The following HTRA3 variants were observed in gnomAD, a reference collection of about 807,000 sequenced individuals.
HTRA3 encodes the protein HtrA serine peptidase 3.
Under a neutral mutation model 43.2 loss-of-function variants are expected in HTRA3, and 41 were observed. The observed-to-expected ratio is 0.95, with a 90% CI of 0.74 to 1.23. The LOEUF is 1.23. Among genes scored for constraint, HTRA3 ranks in the 50% most tolerant of loss-of-function variants. The pLI is 0.00. For missense variants in HTRA3, 628 were observed against 647.1 expected, an observed-to-expected ratio of 0.97 and a Z score of 0.32; for synonymous variants, 295 against 287.9, an observed-to-expected ratio of 1.02 and a Z score of -0.25.
chr4:8,277,423 C>T (rs770363144), intron 1 of HTRA3, among the ~76,000 whole-genome samples: 64 of 152,044 alleles, frequency 4.2e-4, no homozygotes, highest in Non-Finnish European at 6.6e-4. Context: ...CCAGCCCAGA[C>T]GCAGGGGTGC....
At position 8,280,708 on chromosome 4, in the gene HTRA3, G is replaced by C. The variant is rs144894693; in HGVS notation, c.386-1729G>C. 1.6e-3 allele frequency among the ~76,000 whole-genome samples: 236 copies of C among 150,648 alleles called. 2 individuals carry two copies. Among genetic ancestry groups the C allele is most frequent in the Middle Eastern group, 6.8e-3 (2 of 292 alleles). On this transcript the variant is annotated intron_variant, in intron 1 of 8. Coordinates refer to ENST00000307358, the MANE Select transcript of HTRA3 (RefSeq NM_053044.5). ...CCTGAGACCCCGCTCTGCCGCAGTG[G>C]TTTGATCTATGAGGAGCCTCGCGGT...
At chr4:8,271,566 G>A (rs549248814) in intron 1 of HTRA3, among the ~76,000 whole-genome samples, 1 of 152,298 alleles carries the variant, frequency 6.6e-6, no homozygotes, top group Admixed American at 6.5e-5. Flanking sequence ...CTGGTACAAC[G>A]CCTGAGACTG....
intron 1 of HTRA3, among the ~76,000 whole-genome samples, chr4:8,280,982 G>A (rs1040794498): frequency 1.3e-5 from 2 of 152,206 alleles, no homozygotes; most frequent in East Asian, 1.9e-4. Context: ...GGAGGCCTGC[G>A]GCCTGCGTTC....
Position 8,294,079 on chromosome 4 carries a change from C to T in HTRA3, c.937-8C>T, listed in dbSNP as rs181992006. 2.5e-5 allele frequency: 40 copies of T among 1,598,528 alleles called. No individual in the cohort carries two copies. In the African/African-American group the frequency reaches 3.1e-4, roughly 12 times the overall value. On this transcript the variant is annotated splice_polypyrimidine_tract_variant and splice_region_variant and intron_variant, in intron 5 of 8. Coordinates refer to ENST00000307358, the MANE Select transcript of HTRA3 (RefSeq NM_053044.5). ...CCAACTGATGCCTGCTCTTACCTCC[C>T]TGCCCAGGATGGCGAGGTCATTGGC...
At chr4:8,272,580 C>A (rs571755856) in intron 1 of HTRA3, among the ~76,000 whole-genome samples, 1 of 152,220 alleles carries the variant, frequency 6.6e-6, no homozygotes, top group Admixed American at 6.5e-5. Context: ...GATGGGCAAC[C>A]CCCAGACCAC....
At chr4:8,273,822 C>G (rs559037195) in intron 1 of HTRA3, among the ~76,000 whole-genome samples, 4 of 151,892 alleles carry the variant, frequency 2.6e-5, no homozygotes, top group Non-Finnish European at 4.4e-5. Flanking sequence ...TGTGGGGGTA[C>G]CTTTCCTGGG....
chr4:8,282,554 G>GT lies in HTRA3; in HGVS notation c.485+18_485+19insT. The GT allele has an allele frequency of 6.4e-7, 1 of 1,557,188 alleles. No individual in the cohort carries two copies. Among genetic ancestry groups the GT allele is most frequent in the Non-Finnish European group, 8.9e-7 (1 of 1,129,562 alleles). ...TTCCTGAGGTGGGTGAATACCCCTC[G>GT]CCCCTCTCTGCCTCCTGGTGTCCCC... On this transcript the variant is annotated intron_variant, in intron 2 of 8. Transcript: ENST00000307358.
chr4:8,296,099 G>C lies in HTRA3; in HGVS notation c.1051+1898G>C. On this transcript the variant is annotated intron_variant, in intron 6 of 8. Transcript: ENST00000307358. The surrounding 1 kb of genome is among the most constrained non-coding windows in gnomAD (Gnocchi z 5.3). ...TTCTCCATGGGTGCCTTTGACTTTG[G>C]CCTCCTTACTGGAAATTAGCGGAGC... 9.8e-7 allele frequency: 1 copy of C among 1,023,356 alleles called. No individual in the cohort carries two copies. The highest frequency in any genetic ancestry group is 1.2e-6 in the Non-Finnish European group (1 of 855,372). The allele number at this position is 1,023,356 out of a possible 1,614,324, so 63.4% of individuals were successfully genotyped here.
Position 8,302,513 on chromosome 4 carries a change from T to A in HTRA3, c.1100+2T>A. On this transcript the variant is annotated splice_donor_variant, in intron 7 of 8. Transcript: ENST00000307358. LOFTEE classifies it high-confidence loss of function. ...ACGGATGCGGACGATCACACCAAGG[T>A]GAGTGTCTGAAGAGTGCCATCCCCT... 1.2e-6 allele frequency: 2 copies of A among 1,613,678 alleles called. No homozygotes were observed. The highest frequency in any genetic ancestry group is 1.7e-6 in the Non-Finnish European group (2 of 1,179,808).
chr4:8,292,281 C>A, intron 4 of HTRA3, 40 bp from the exon 5 acceptor site: 2 of 1,597,238 alleles, frequency 1.3e-6, no homozygotes, highest in East Asian at 2.2e-5. Context: ...AAGCCTCAGG[C>A]GGGGTCAGGC....
At position 8,306,427 on chromosome 4, in the gene HTRA3, G is replaced by T. The variant is rs1713853429; in HGVS notation, c.*291G>T. ...ATTCACAAAACTGCCTTCCATGGAG[G>T]TCCCCTCCTCTCCTAGCTTCCCGCC... On this transcript the variant is annotated 3_prime_UTR_variant, in exon 9 of 9. Transcript: ENST00000307358. This position sits in a 1 kb window ranked among gnomAD's most constrained non-coding sequence, Gnocchi z 8.9. The T allele has an allele frequency of 6.3e-6, 2 of 319,610 alleles. No individual in the cohort carries two copies. The highest frequency in any genetic ancestry group is 1.3e-4 in the South Asian group (2 of 15,644). The allele number at this position is 319,610 out of a possible 1,614,324, so 19.8% of individuals were successfully genotyped here.
rs1219121087 is a variant in HTRA3, at chr4:8,270,133, C to T, written c.165C>T (p.Ala55=). 2.6e-6 allele frequency: 4 copies of T among 1,544,826 alleles called. No homozygotes were observed. The highest frequency in any genetic ancestry group is 2.6e-5 in the East Asian group (1 of 38,328). ...TCTGCAACTGCTGCCTGGTGTGCGC[C>T]GCCAGCGAGGGCGAGCCCTGTGGCG... is the stretch of plus-strand genomic sequence containing the variant. The part of the protein sequence containing the change: ...PDLCNCCLVC[A]ASEGEPCGGP... The change falls in exon 1 of 9, where the codon GCC becomes GCT. Residue 55 remains alanine (A), a synonymous_variant. Coordinates refer to ENST00000307358, the MANE Select transcript of HTRA3 (RefSeq NM_053044.5).
chr4:8,272,045 C>T (rs1054209328), intron 1 of HTRA3, among the ~76,000 whole-genome samples: 1 of 152,160 alleles, frequency 6.6e-6, no homozygotes, highest in African/African-American at 2.4e-5. Flanking sequence ...GCTGGGGTAC[C>T]TTTCCTGGGC....
chr4:8,271,734 G>A (rs1712284802), intron 1 of HTRA3, among the ~76,000 whole-genome samples: 1 of 136,810 alleles, frequency 7.3e-6, no homozygotes, highest in African/African-American at 2.7e-5. Context: ...CAGGGACAAG[G>A]CCGAACGCTG....
chr4:8,280,729 G>A (rs568629064), intron 1 of HTRA3, among the ~76,000 whole-genome samples: 4 of 132,852 alleles, frequency 3.0e-5, no homozygotes, highest in African/African-American at 5.5e-5. Flanking sequence ...GAGGAGCCTC[G>A]CGGTGGCCGG....
intron 2 of HTRA3, 22 bp downstream of exon 2, chr4:8,282,558 C>T (rs774894217): frequency 3.8e-6 from 6 of 1,562,892 alleles, no homozygotes; most frequent in Non-Finnish European, 5.3e-6. Context: ...CCCCTCGCCC[C>T]TCTCTGCCTC....
At position 8,294,157 on chromosome 4, in the gene HTRA3, G is replaced by A. The variant is rs373242699; in HGVS notation, c.1007G>A (p.Arg336His). 2.4e-5 allele frequency: 39 copies of A among 1,612,070 alleles called. No homozygotes were observed. The highest frequency in any genetic ancestry group is 6.7e-5 in the African/African-American group (5 of 74,732). The change falls in exon 6 of 9, where the codon CGC becomes CAC. Residue 336 changes from arginine (R) to histidine (H), a missense_variant. Arg to His is a conservative substitution (Grantham distance 29, BLOSUM62 0). Transcript: ENST00000307358. The stretch of plus-strand genomic sequence containing the variant: ...ATCTCCTTTGCCATCCCCTCAGACC[G>A]CATCACACGGTTCCTCACAGAGTTC... ...AGISFAIPSD[R>H]ITRFLTEFQD...
At chr4:8,280,152 G>T (rs1308081789) in intron 1 of HTRA3, among the ~76,000 whole-genome samples, 1 of 152,138 alleles carries the variant, frequency 6.6e-6, no homozygotes, top group East Asian at 1.9e-4. Flanking sequence ...GGAGTTGGTG[G>T]CCCGACAAAG....
chr4:8,275,512 G>A (rs181800239), intron 1 of HTRA3, among the ~76,000 whole-genome samples: 95 of 152,328 alleles, frequency 6.2e-4, no homozygotes, highest in Non-Finnish European at 1.2e-3. Flanking sequence ...GAGCCCAGAA[G>A]AGGAAGAAAC....
Sources: allele counts gnomAD v4.1 joint callset (sites outside exome capture counted in the v4.1 genomes callset), GRCh38; gene constraint gnomAD v4.1.1; non-coding constraint Gnocchi (gnomAD v3.1); transcripts MANE v1.5; gene names NCBI Gene and HGNC (gene_info 2026-07-23, HGNC 2026-07-21).